DMRT1: variants seen among roughly 807,000 people sequenced by gnomAD.
The protein encoded by DMRT1 is doublesex- and mab-3-related transcription factor 1.
DMRT1 carries 7 observed loss-of-function variants against 32.3 expected under a neutral mutation model. The ratio of observed to expected loss-of-function variants is 0.22; its 90% CI spans 0.12 to 0.41. DMRT1 has a LOEUF of 0.41. Among genes scored for constraint, DMRT1 ranks in the 10% least tolerant of loss-of-function variants. The pLI, the probability that DMRT1 is intolerant of heterozygous loss-of-function variation, is 1.00. For synonymous variants in DMRT1, 278 were observed against 206.1 expected, an observed-to-expected ratio of 1.35 and a Z score of -2.99; for missense variants, 625 against 500.5, an observed-to-expected ratio of 1.25 and a Z score of -2.37.
At chr9:890,716 T>C (rs1161365352) in intron 2 of DMRT1, among the ~76,000 whole-genome samples, 1 of 152,038 alleles carries the variant, frequency 6.6e-6, no homozygotes, top group Non-Finnish European at 1.5e-5. Flanking sequence ...TATTTCTTTA[T>C]TTTTATTTTT....
intron 4 of DMRT1, among the ~76,000 whole-genome samples, chr9:952,077 G>A (rs1332348068): frequency 1.3e-5 from 2 of 150,660 alleles, no homozygotes; most frequent in African/African-American, 5.0e-5. Context: ...GATTGCCCAG[G>A]GTCCCATAAC....
At chr9:935,332 G>T (rs1250132448) in intron 4 of DMRT1, among the ~76,000 whole-genome samples, 1 of 152,200 alleles carries the variant, frequency 6.6e-6, no homozygotes, top group Non-Finnish European at 1.5e-5. Flanking sequence ...GATGGATAAT[G>T]CCTGGCTGGT....
At chr9:852,228 T>A (rs561867123) in intron 2 of DMRT1, among the ~76,000 whole-genome samples, 2 of 151,962 alleles carry the variant, frequency 1.3e-5, no homozygotes, top group South Asian at 4.2e-4. Flanking sequence ...TGAGCTACCG[T>A]GCCTGGCCGC....
intron 2 of DMRT1, among the ~76,000 whole-genome samples, chr9:892,857 T>A (rs1016210330): frequency 6.6e-6 from 1 of 152,156 alleles, no homozygotes; most frequent in Non-Finnish European, 1.5e-5. Context: ...TCCCTGCCCA[T>A]CATTCCAAAC....
At position 871,552 on chromosome 9, in the gene DMRT1, A is replaced by AG. The variant is rs796410440; in HGVS notation, c.539-22358dup. On this transcript the variant is annotated intron_variant, in intron 2 of 4. Coordinates refer to ENST00000382276, the MANE Select transcript of DMRT1 (RefSeq NM_021951.3). Reference sequence around the variant, plus strand: ...GAGACGGGGTTTCACCGTGTTAGCCAGGATGGTCTCGATCTCCTGACCTCG... The same window carrying AG: ...GAGACGGGGTTTCACCGTGTTAGCCAGGGATGGTCTCGATCTCCTGACCTCG... Among the ~76,000 whole-genome samples, 98 of 133,442 alleles carry AG rather than the reference A, an allele frequency of 7.3e-4. 2 individuals are homozygous for AG. The highest frequency in any genetic ancestry group is 2.9e-3 in the African/African-American group (98 of 33,756). 87.5% of individuals were successfully genotyped at this position (133,442 alleles called of 152,430 possible).
chr9:843,467 C>T (rs1291870533), intron 1 of DMRT1, among the ~76,000 whole-genome samples: 2 of 152,178 alleles, frequency 1.3e-5, no homozygotes, highest in South Asian at 2.1e-4. Context: ...TTTTAAAGCA[C>T]GCTTAAGAAT....
intron 4 of DMRT1, among the ~76,000 whole-genome samples, chr9:956,566 A>G (rs1474931404): frequency 1.0e-4 from 13 of 125,020 alleles, no homozygotes; most frequent in African/African-American, 3.1e-4. Context: ...CCTGTCTCAA[A>G]AAAAAAAAAA....
intron 1 of DMRT1, among the ~76,000 whole-genome samples, chr9:846,455 C>G (rs1589441449): frequency 1.3e-5 from 2 of 152,308 alleles, no homozygotes; most frequent in South Asian, 4.1e-4. Flanking sequence ...CATTTTCCTT[C>G]CTAATCTGTT....
intron 3 of DMRT1, among the ~76,000 whole-genome samples, chr9:904,330 AATTAC>A (rs1350575551): frequency 6.6e-6 from 1 of 152,190 alleles, no homozygotes; most frequent in Non-Finnish European, 1.5e-5. Context: ...CAGAACGTTT[AATTAC>A]ATGTATAAGT....
At chr9:867,310 T>C (rs1381434983) in intron 2 of DMRT1, among the ~76,000 whole-genome samples, 1 of 152,176 alleles carries the variant, frequency 6.6e-6, no homozygotes, top group Non-Finnish European at 1.5e-5. Flanking sequence ...AAACTGAAGA[T>C]CCACACACGA....
intron 3 of DMRT1, among the ~76,000 whole-genome samples, chr9:901,007 T>A (rs12684168): frequency 0.56 from 85,184 of 151,190 alleles, 27,186 homozygotes; most frequent in South Asian, 0.73. Context: ...TCAGTTTTTT[T>A]TTTTTAATTA....
At chr9:909,870 G>C (rs914933230) in intron 3 of DMRT1, among the ~76,000 whole-genome samples, 1 of 152,076 alleles carries the variant, frequency 6.6e-6, no homozygotes, top group African/African-American at 2.4e-5. Context: ...GCACCACCAT[G>C]CCTGCCTAAT....
At chr9:901,118 G>T (rs529329181) in intron 3 of DMRT1, among the ~76,000 whole-genome samples, 2 of 151,930 alleles carry the variant, frequency 1.3e-5, no homozygotes. Context: ...GGACTTAAGC[G>T]ATCCTCCTAC....
intron 3 of DMRT1, among the ~76,000 whole-genome samples, chr9:905,911 G>A (rs144166088): frequency 2.0e-5 from 3 of 152,224 alleles, no homozygotes; most frequent in East Asian, 1.9e-4. Context: ...CTCTGTTCCC[G>A]TGGTGTCTCT....
In DMRT1 at chr9:879,026, A is replaced by T. The variant is rs531871731; in HGVS notation, c.539-14886A>T. ...CCTGTTTCATGGAAAGAAATATTTC[A>T]GACATAAGGATAAAGCCAGAGCTGC... On this transcript the variant is annotated intron_variant, in intron 2 of 4. Transcript: ENST00000382276. Among the ~76,000 whole-genome samples, 41 of 152,310 alleles carry T rather than the reference A, an allele frequency of 2.7e-4. 1 individual carries two copies. The Middle Eastern group carries it at 0.01, about 38-fold the overall frequency.
At chr9:880,023 T>G (rs1042156300) in intron 2 of DMRT1, among the ~76,000 whole-genome samples, 2 of 152,228 alleles carry the variant, frequency 1.3e-5, no homozygotes, top group African/African-American at 4.8e-5. Context: ...AATTTTTACT[T>G]GAAAACTCAA....
Position 927,301 on chromosome 9 carries a change from G to A in DMRT1, c.967+10394G>A, listed in dbSNP as rs921365488. On this transcript the variant is annotated intron_variant, in intron 4 of 4. Coordinates refer to ENST00000382276, the MANE Select transcript of DMRT1 (RefSeq NM_021951.3). ...TACAAACAATGATGAAGCTTGTCAT[G>A]CATCTTTCACCATTCATCATCCAGG... Among the ~76,000 whole-genome samples the A allele has an allele frequency of 2.0e-5, 3 of 152,216 alleles. No individual in the cohort carries two copies. The East Asian group carries it at 5.8e-4, about 29-fold the overall frequency.
At chr9:924,483 A>G (rs2129818666) in intron 4 of DMRT1, among the ~76,000 whole-genome samples, 1 of 152,328 alleles carries the variant, frequency 6.6e-6, no homozygotes, top group African/African-American at 2.4e-5. Context: ...GTATGGCAGA[A>G]TCTGTCATCT....
intron 4 of DMRT1, among the ~76,000 whole-genome samples, chr9:960,675 A>G (rs1819743075): frequency 6.6e-6 from 1 of 152,226 alleles, no homozygotes; most frequent in Non-Finnish European, 1.5e-5. Flanking sequence ...GCTGAGGGGT[A>G]CGAGCTGGGC....
Sources: allele counts gnomAD v4.1 joint callset (sites outside exome capture counted in the v4.1 genomes callset), GRCh38; gene constraint gnomAD v4.1.1; transcripts MANE v1.5; gene names NCBI Gene and HGNC (gene_info 2026-07-23, HGNC 2026-07-21).